The following TEAD4 variants were observed in gnomAD, a reference collection of about 807,000 sequenced individuals.
The protein encoded by TEAD4 is TEA domain transcription factor 4.
TEAD4 carries 36 observed loss-of-function variants against 52.4 expected under a neutral mutation model. The observed-to-expected ratio is 0.69, with a 90% CI of 0.53 to 0.91. The LOEUF is 0.91. Among genes scored for constraint, TEAD4 ranks in the 40% least tolerant of loss-of-function variants. TEAD4 has a pLI of 0.00. For missense variants in TEAD4, 508 were observed against 583.9 expected, an observed-to-expected ratio of 0.87 and a Z score of 1.34; for synonymous variants, 220 against 231.0, an observed-to-expected ratio of 0.95 and a Z score of 0.43.
chr12:2,965,929 A>T (rs531251899), intron 2 of TEAD4, among the ~76,000 whole-genome samples: 8 of 151,542 alleles, frequency 5.3e-5, no homozygotes, highest in East Asian at 2.0e-4. Context: ...TGATGCGGTC[A>T]TGGCTTATGC....
At chr12:2,987,710 C>T (rs1565530701) in intron 2 of TEAD4, among the ~76,000 whole-genome samples, 1 of 151,656 alleles carries the variant, frequency 6.6e-6, no homozygotes, top group Admixed American at 6.6e-5. Context: ...GCCTGAGCCA[C>T]CGTGCCCAGC....
intron 2 of TEAD4, among the ~76,000 whole-genome samples, chr12:2,970,253 TAAC>T (rs772987778): frequency 1.3e-5 from 2 of 152,382 alleles, no homozygotes; most frequent in East Asian, 1.9e-4. Context: ...CAATTTGGAC[TAAC>T]AACGTTTCTT....
At chr12:3,029,446 G>A (rs1244730159) in intron 10 of TEAD4, among the ~76,000 whole-genome samples, 1 of 152,026 alleles carries the variant, frequency 6.6e-6, no homozygotes, top group African/African-American at 2.4e-5. Flanking sequence ...CACTGTGTTA[G>A]CCAGGATGGT....
In TEAD4 at chr12:2,959,422, C is replaced by G. The variant is rs935528767; in HGVS notation, c.-182C>G. 2.0e-5 allele frequency: 3 copies of G among 146,590 alleles called. No homozygotes were observed. The highest frequency in any genetic ancestry group is 4.9e-5 in the African/African-American group (2 of 40,826). The allele number at this position is 146,590 out of a possible 1,614,324, so 9.1% of individuals were successfully genotyped here. ...ATTCCGCGCATTCCAGCGTCCTCCT[C>G]GCACACTCGAGGCCAGGGGGCGGGA... On this transcript the variant is annotated 5_prime_UTR_variant, in exon 1 of 13. Transcript: ENST00000359864. The surrounding 1 kb of genome is among the most constrained non-coding windows in gnomAD (Gnocchi z 5.1).
At position 2,971,570 on chromosome 12, in the gene TEAD4, G is replaced by A. The variant is rs767729898; in HGVS notation, c.-30+11530G>A. Among the ~76,000 whole-genome samples the A allele has an allele frequency of 1.7e-3, 254 of 151,680 alleles. 1 individual carries two copies. Among genetic ancestry groups the A allele is most frequent in the Non-Finnish European group, 2.4e-3 (162 of 67,938 alleles). Reference sequence around the variant, plus strand: ...GGCTCACTGCAAGCTCCGCCTCCCGGGTTCATGCCATTCTCCCGCCTCAGC... The same window carrying A: ...GGCTCACTGCAAGCTCCGCCTCCCGAGTTCATGCCATTCTCCCGCCTCAGC... On this transcript the variant is annotated intron_variant, in intron 2 of 12. Coordinates refer to ENST00000359864, the MANE Select transcript of TEAD4 (RefSeq NM_003213.4).
rs139646703 is a variant in TEAD4, at chr12:3,029,178, C to T, written c.897+7161C>T. On this transcript the variant is annotated intron_variant, in intron 10 of 12. Coordinates refer to ENST00000359864, the MANE Select transcript of TEAD4 (RefSeq NM_003213.4). ...TGAACTTGGGCTCAAGTGATCCTCC[C>T]GCCTCAACTTCTTGAGTAGCTGGGA... is the stretch of plus-strand genomic sequence containing the variant. Among the ~76,000 whole-genome samples the T allele has an allele frequency of 4.2e-3, 637 of 151,466 alleles. 4 individuals carry two copies. Among genetic ancestry groups the T allele is most frequent in the African/African-American group, 0.015 (614 of 41,230 alleles).
At chr12:2,962,106 T>C (rs1399646757) in intron 2 of TEAD4, among the ~76,000 whole-genome samples, 4 of 151,052 alleles carry the variant, frequency 2.6e-5, no homozygotes, top group African/African-American at 9.7e-5. Flanking sequence ...TATTTTATTT[T>C]ACTTTATTTT....
At chr12:2,965,924 C>T (rs976884462) in intron 2 of TEAD4, among the ~76,000 whole-genome samples, 9 of 151,822 alleles carry the variant, frequency 5.9e-5, no homozygotes, top group South Asian at 2.1e-4. Context: ...TGCAGTGATG[C>T]GGTCATGGCT....
chr12:3,023,527 C>T (rs1044126048), intron 10 of TEAD4, among the ~76,000 whole-genome samples: 2 of 151,800 alleles, frequency 1.3e-5, no homozygotes, highest in African/African-American at 4.8e-5. Flanking sequence ...GTGGCTCATG[C>T]CTGTAATCCC....
At chr12:3,008,859 C>T (rs2098257953) in intron 3 of TEAD4, among the ~76,000 whole-genome samples, 1 of 152,156 alleles carries the variant, frequency 6.6e-6, no homozygotes, top group Non-Finnish European at 1.5e-5. Context: ...CAACCAAGAA[C>T]CGTATCCCAG....
In TEAD4 at chr12:2,959,427, A is replaced by G. The variant is rs1053094722; in HGVS notation, c.-177A>G. The G allele has an allele frequency of 4.9e-5, 7 of 143,702 alleles. No homozygotes were observed. Among genetic ancestry groups the G allele is most frequent in the African/African-American group, 1.8e-4 (7 of 39,626 alleles). The allele number at this position is 143,702 out of a possible 1,614,324, so 8.9% of individuals were successfully genotyped here. The stretch of plus-strand genomic sequence containing the variant: ...GCGCATTCCAGCGTCCTCCTCGCAC[A>G]CTCGAGGCCAGGGGGCGGGAGGGCC... On this transcript the variant is annotated 5_prime_UTR_variant, in exon 1 of 13. Transcript: ENST00000359864. The surrounding 1 kb of genome is among the most constrained non-coding windows in gnomAD (Gnocchi z 5.1).
chr12:2,969,906 C>A (rs4766015), intron 2 of TEAD4, among the ~76,000 whole-genome samples: 129,804 of 152,134 alleles, frequency 0.85, 55,546 homozygotes, highest in Middle Eastern at 0.9. Context: ...AATAGAAATA[C>A]TATGTAAGCC....
At chr12:2,962,582 A>G (rs963630283) in intron 2 of TEAD4, among the ~76,000 whole-genome samples, 11 of 151,760 alleles carry the variant, frequency 7.2e-5, no homozygotes, top group African/African-American at 2.4e-4. Flanking sequence ...TGATCTGCCC[A>G]CCTTGGCCTC....
chr12:3,040,343 C>T (rs2098282000), intron 12 of TEAD4, 22 bp from the exon 13 acceptor site: 2 of 1,614,114 alleles, frequency 1.2e-6, no homozygotes, highest in South Asian at 1.1e-5. Context: ...CTTATTAACC[C>T]TTGTCTTTTT....
intron 3 of TEAD4, among the ~76,000 whole-genome samples, chr12:3,010,503 T>C (rs1256989241): frequency 1.3e-5 from 2 of 152,284 alleles, no homozygotes; most frequent in East Asian, 3.9e-4. Context: ...CTCCAGCAGT[T>C]GCACCCCCCA....
At chr12:3,011,103 T>A in intron 4 of TEAD4, 35 bp downstream of exon 4, 3 of 1,611,302 alleles carry the variant, frequency 1.9e-6, no homozygotes, top group Non-Finnish European at 2.5e-6. Context: ...GTCCCGGGGG[T>A]GGTACCCCAG....
chr12:2,981,828 C>T (rs1387067482), intron 2 of TEAD4, among the ~76,000 whole-genome samples: 16 of 152,132 alleles, frequency 1.1e-4, no homozygotes, highest in Admixed American at 1.0e-3. Context: ...GGGTCTGCTG[C>T]TCCTCTTTCA....
At chr12:3,031,628 T>C (rs1249611002) in intron 10 of TEAD4, among the ~76,000 whole-genome samples, 3 of 152,280 alleles carry the variant, frequency 2.0e-5, no homozygotes, top group Middle Eastern at 3.4e-3. Flanking sequence ...TGCTGTGAGA[T>C]AGATGGGCCC....
chr12:2,968,381 C>T (rs555190148), intron 2 of TEAD4, among the ~76,000 whole-genome samples: 39 of 125,004 alleles, frequency 3.1e-4, no homozygotes, highest in Middle Eastern at 9.0e-3. Flanking sequence ...CCACCGCGCC[C>T]GGCCTTTTTT....
Sources: gnomAD v4.1 joint callset for allele counts (sites outside exome capture counted in the v4.1 genomes callset) on GRCh38, gnomAD v4.1.1 for gene constraint, Gnocchi (gnomAD v3.1) non-coding constraint, MANE v1.5 for transcripts, NCBI Gene and HGNC (gene_info 2026-07-23, HGNC 2026-07-21) for gene names.